The following CSMD1 variants were observed in gnomAD, a reference collection of about 807,000 sequenced individuals.
The protein encoded by CSMD1 is CUB and Sushi multiple domains 1, also known as CUB and sushi domain-containing protein 1.
In CSMD1, 213 loss-of-function variants were observed where a neutral mutation model predicts 417.5. That is an observed-to-expected ratio of 0.51 (90% CI 0.46 to 0.57). The LOEUF (loss-of-function observed/expected upper bound fraction) is 0.57. CSMD1 is among the 20% of genes least tolerant of loss of function. The pLI is 0.00. For missense variants in CSMD1, 6,923 were observed against 4,529.7 expected, an observed-to-expected ratio of 1.53 and a Z score of -15.17; for synonymous variants, 2,862 against 1,736.8, an observed-to-expected ratio of 1.65 and a Z score of -16.11.
chr8:3,439,507 C>T (rs35226133), intron 12 of CSMD1, among the ~76,000 whole-genome samples: 3 of 147,310 alleles, frequency 2.0e-5, no homozygotes, highest in African/African-American at 7.6e-5. Flanking sequence ...GTGTGTGTGT[C>T]TGTGTGTGTG....
intron 26 of CSMD1, among the ~76,000 whole-genome samples, chr8:3,250,202 T>A (rs530824767): frequency 1.3e-3 from 203 of 152,272 alleles, no homozygotes; most frequent in African/African-American, 4.8e-3. Flanking sequence ...ATACTATCCC[T>A]CCCTGATCCC....
intron 11 of CSMD1, among the ~76,000 whole-genome samples, chr8:3,488,576 A>T (rs1174571692): frequency 1.3e-5 from 2 of 152,236 alleles, no homozygotes; most frequent in Non-Finnish European, 2.9e-5. Context: ...TGAAATGTAT[A>T]TCAGTAGGCT....
chr8:2,958,691 C>T (rs933957800), intron 62 of CSMD1, among the ~76,000 whole-genome samples: 4 of 152,216 alleles, frequency 2.6e-5, no homozygotes, highest in Non-Finnish European at 5.9e-5. Flanking sequence ...TTGCACTCAT[C>T]CCAGCTTGGC....
intron 2 of CSMD1, among the ~76,000 whole-genome samples, chr8:4,501,867 G>A (rs1055294187): frequency 6.6e-6 from 1 of 152,082 alleles, no homozygotes; most frequent in Non-Finnish European, 1.5e-5. Flanking sequence ...GAAAAAACAT[G>A]CTACATGCAG....
chr8:4,021,631 T>C (rs1460084006), intron 4 of CSMD1, among the ~76,000 whole-genome samples: 1 of 152,194 alleles, frequency 6.6e-6, no homozygotes, highest in African/African-American at 2.4e-5. Context: ...AGCTGCTCTT[T>C]TTAAACTCTC....
At chr8:3,276,449 C>T (rs1031462241) in intron 26 of CSMD1, among the ~76,000 whole-genome samples, 7 of 152,146 alleles carry the variant, frequency 4.6e-5, no homozygotes, top group African/African-American at 1.7e-4. Flanking sequence ...TACATGGTGG[C>T]AGAGAAGAGA....
intron 5 of CSMD1, among the ~76,000 whole-genome samples, chr8:3,915,117 G>A (rs116453378): frequency 2.0e-5 from 3 of 152,002 alleles, no homozygotes; most frequent in Non-Finnish European, 4.4e-5. Context: ...CAAGAGTTTA[G>A]GTAGCAGGTT....
intron 1 of CSMD1, among the ~76,000 whole-genome samples, chr8:4,768,553 G>A (rs945720135): frequency 2.0e-5 from 3 of 152,192 alleles, no homozygotes; most frequent in African/African-American, 4.8e-5. Context: ...AGCCTCTTCT[G>A]TAGAAAATGC....
chr8:3,284,897 C>T (rs1211624188), intron 25 of CSMD1, among the ~76,000 whole-genome samples: 1 of 152,052 alleles, frequency 6.6e-6, no homozygotes, highest in African/African-American at 2.4e-5. Context: ...TTTAAAATAC[C>T]AACAGAAAGG....
chr8:4,566,106 A>G (rs1186773629), intron 2 of CSMD1, among the ~76,000 whole-genome samples: 1 of 152,098 alleles, frequency 6.6e-6, no homozygotes, highest in Admixed American at 6.6e-5. Context: ...CCAGAATTGT[A>G]CTTTCCAGGA....
At chr8:4,034,563 G>A (rs546230554) in intron 3 of CSMD1, among the ~76,000 whole-genome samples, 8 of 152,128 alleles carry the variant, frequency 5.3e-5, no homozygotes, top group African/African-American at 1.9e-4. Context: ...TTTTATCAGG[G>A]CAGCCCTTCA....
chr8:3,337,382 G>A (rs1362657645), intron 23 of CSMD1, among the ~76,000 whole-genome samples: 2 of 152,152 alleles, frequency 1.3e-5, no homozygotes, highest in East Asian at 3.9e-4. Context: ...GAAAGTCATT[G>A]TTCTGCATAA....
intron 23 of CSMD1, among the ~76,000 whole-genome samples, chr8:3,313,203 G>A (rs1429158077): frequency 6.6e-6 from 1 of 152,136 alleles, no homozygotes; most frequent in Non-Finnish European, 1.5e-5. Flanking sequence ...CAGGACATAG[G>A]CATGGGCAAA....
At chr8:3,646,792 C>G (rs752744512) in intron 7 of CSMD1, among the ~76,000 whole-genome samples, 1 of 152,138 alleles carries the variant, frequency 6.6e-6, no homozygotes, top group Non-Finnish European at 1.5e-5. Flanking sequence ...CGTCCTTCCT[C>G]ATTGTTCCAG....
At chr8:3,412,430 C>T (rs908371743) in intron 12 of CSMD1, among the ~76,000 whole-genome samples, 3 of 152,054 alleles carry the variant, frequency 2.0e-5, no homozygotes, top group Admixed American at 1.3e-4. Flanking sequence ...GATATAGAAA[C>T]GTTCAGAGGT....
chr8:3,977,532 C>A (rs1449535686), intron 5 of CSMD1, among the ~76,000 whole-genome samples: 1 of 152,082 alleles, frequency 6.6e-6, no homozygotes, highest in Non-Finnish European at 1.5e-5. Context: ...TTGGATTCTG[C>A]TGTTCAGAGC....
chr8:4,347,121 G>A (rs1028468216), intron 3 of CSMD1, among the ~76,000 whole-genome samples: 7 of 152,098 alleles, frequency 4.6e-5, no homozygotes, highest in Non-Finnish European at 7.4e-5. Context: ...TCCAAGGCAG[G>A]AAAGATGAAT....
At chr8:4,475,439 G>A (rs974246358) in intron 2 of CSMD1, among the ~76,000 whole-genome samples, 4 of 151,998 alleles carry the variant, frequency 2.6e-5, no homozygotes, top group African/African-American at 7.2e-5. Flanking sequence ...TTCACCTGTG[G>A]CATCATATGG....
chr8:4,412,450 A>G (rs1431775380), intron 3 of CSMD1, among the ~76,000 whole-genome samples: 1 of 152,134 alleles, frequency 6.6e-6, no homozygotes, highest in East Asian at 1.9e-4. Context: ...CGAGGCCTCA[A>G]CAGAAGCCGG....
Sources: gnomAD v4.1 joint callset for allele counts (sites outside exome capture counted in the v4.1 genomes callset) on GRCh38, gnomAD v4.1.1 for gene constraint, MANE v1.5 for transcripts, NCBI Gene and HGNC (gene_info 2026-07-23, HGNC 2026-07-21) for gene names.